Variants in MBNL1 observed in about 807,000 individuals in gnomAD.
The protein encoded by MBNL1 is muscleblind like splicing regulator 1.
In MBNL1, 8 loss-of-function variants were observed where a neutral mutation model predicts 42.2. That is an observed-to-expected ratio of 0.19 (90% CI 0.11 to 0.34). The LOEUF (loss-of-function observed/expected upper bound fraction) is 0.34, where lower values mean the gene tolerates loss of function less well. Among genes scored for constraint, MBNL1 ranks in the 10% least tolerant of loss-of-function variants. The pLI is 1.00. For synonymous variants in MBNL1, 169 were observed against 173.9 expected (o/e 0.97, Z 0.22); for missense variants, 309 against 495.3 (o/e 0.62, Z 3.57).
intron 2 of MBNL1, among the ~76,000 whole-genome samples, chr3:152,370,485 G>T (rs2096610778): frequency 6.6e-6 from 1 of 152,166 alleles, no homozygotes; most frequent in African/African-American, 2.4e-5. Flanking sequence ...TTGATTTGGG[G>T]TGGAGAGTTC....
chr3:152,363,033 G>C (rs889294402), intron 2 of MBNL1, among the ~76,000 whole-genome samples: 4 of 151,794 alleles, frequency 2.6e-5, no homozygotes, highest in Admixed American at 2.6e-4. Flanking sequence ...CACAGAAATG[G>C]GTATCAAATA....
At chr3:152,327,851 T>C (rs2081408414) in intron 2 of MBNL1, among the ~76,000 whole-genome samples, 1 of 152,014 alleles carries the variant, frequency 6.6e-6, no homozygotes, top group Non-Finnish European at 1.5e-5. Flanking sequence ...TTCTTGGTCT[T>C]AGTGTCTAAA....
At chr3:152,372,839 C>T (rs1042138888) in intron 2 of MBNL1, among the ~76,000 whole-genome samples, 3 of 152,146 alleles carry the variant, frequency 2.0e-5, no homozygotes, top group East Asian at 1.9e-4. Flanking sequence ...CTGGGAGATT[C>T]GCTGCTCTCT....
At chr3:152,414,863 GGT>G in intron 2 of MBNL1, 76 bp from the exon 3 acceptor site, 1 of 1,399,920 alleles carries the variant, frequency 7.1e-7, no homozygotes, top group South Asian at 1.2e-5. Context: ...TCAAGTGGGT[GGT>G]TTGCATTATA....
chr3:152,414,949 C>T lies in MBNL1; in HGVS notation c.183C>T (p.Cys61=). 6.2e-7 allele frequency: 1 copy of T among 1,610,444 alleles called. No homozygotes were observed. The highest frequency in any genetic ancestry group is 8.5e-7 in the Non-Finnish European group (1 of 1,178,888). The change falls in exon 3 of 10, where the codon TGC becomes TGT. Residue 61 remains cysteine (C), a synonymous_variant. Transcript: ENST00000324210. ...TGCTTTTGTTTCTCTAGGGCCGTTGCTCCAGGGAGAACTGCAAATATCTTC... is the reference window on the plus strand; with the variant it reads ...TGCTTTTGTTTCTCTAGGGCCGTTGTTCCAGGGAGAACTGCAAATATCTTC... ...IACFDSLKGR[C]SRENCKYLHP... is the part of the protein sequence containing the mutation.
At chr3:152,390,152 TAA>T (rs914352354) in intron 2 of MBNL1, among the ~76,000 whole-genome samples, 2 of 142,554 alleles carry the variant, frequency 1.4e-5, no homozygotes, top group Non-Finnish European at 3.1e-5. Context: ...AATTTATAAT[TAA>T]AAAAAAAAAA....
At chr3:152,379,793 T>G (rs2153389875) in intron 2 of MBNL1, among the ~76,000 whole-genome samples, 1 of 152,244 alleles carries the variant, frequency 6.6e-6, no homozygotes, top group Non-Finnish European at 1.5e-5. Context: ...AGTTAAAGAT[T>G]CAGATGAACA....
chr3:152,340,897 A>C, intron 2 of MBNL1: 1 of 1,609,586 alleles, frequency 6.2e-7, no homozygotes, highest in Non-Finnish European at 8.5e-7. Context: ...GCCAGGGTCC[A>C]TCTGCATTGT....
At chr3:152,392,480 T>C (rs2097763443) in intron 2 of MBNL1, among the ~76,000 whole-genome samples, 1 of 152,238 alleles carries the variant, frequency 6.6e-6, no homozygotes. Context: ...AAAATCAGCA[T>C]ACTTATTCTA....
chr3:152,456,367 C>A lies in MBNL1; in HGVS notation c.1092+6C>A, dbSNP rs757605536. On this transcript the variant is annotated splice_donor_region_variant and intron_variant, in intron 8 of 9. Coordinates refer to ENST00000324210, the MANE Select transcript of MBNL1 (RefSeq NM_021038.5). ...CAACAGCCACAGCCAACCAGGTTTG[C>A]TAATTTACAGCTTTGTTTCTTAAAA... is the stretch of plus-strand genomic sequence containing the variant. The A allele has an allele frequency of 6.2e-7, 1 of 1,612,356 alleles. No individual in the cohort carries two copies. The highest frequency in any genetic ancestry group is 8.5e-7 in the Non-Finnish European group (1 of 1,178,426).
intron 6 of MBNL1, among the ~76,000 whole-genome samples, chr3:152,448,157 G>A: frequency 6.6e-6 from 1 of 152,034 alleles, no homozygotes; most frequent in East Asian, 1.9e-4. Context: ...ATATAAAACA[G>A]CACTTTCAGT....
chr3:152,414,219 A>AT (rs1304877032), intron 2 of MBNL1, among the ~76,000 whole-genome samples: 2 of 152,168 alleles, frequency 1.3e-5, no homozygotes, highest in Non-Finnish European at 2.9e-5. Context: ...TAGTTTCTCC[A>AT]TTTTTTAAAT....
In MBNL1 at chr3:152,300,060, G is replaced by T; in HGVS notation, c.-134G>T. On this transcript the variant is annotated 5_prime_UTR_variant, in exon 2 of 10. In the 5' UTR this introduces an upstream ATG that the reference lacks. Coordinates refer to ENST00000324210, the MANE Select transcript of MBNL1 (RefSeq NM_021038.5). ...CAATTTTCCATGTACTTTTAAAGCA[G>T]GGAGTGGGGAAAAGTATTTTGAGGG... 1.8e-6 allele frequency: 1 copy of T among 545,054 alleles called. No homozygotes were observed. 33.8% of individuals were successfully genotyped at this position (545,054 alleles called of 1,614,324 possible). A position where few individuals can be genotyped will look rare whatever the true frequency, so the allele number is the denominator to read the frequency against.
chr3:152,398,808 C>T (rs1190704262), intron 2 of MBNL1, among the ~76,000 whole-genome samples: 3 of 152,130 alleles, frequency 2.0e-5, no homozygotes, highest in Non-Finnish European at 4.4e-5. Flanking sequence ...CTTCCCCAAG[C>T]TAGACTTTTC....
At chr3:152,269,390 G>A (rs1454502577) in intron 1 of MBNL1, 37 of 365,966 alleles carry the variant, frequency 1.0e-4, no homozygotes, top group Non-Finnish European at 1.9e-4. Flanking sequence ...AGAAACAGGG[G>A]GGCGAGAAGA....
intron 2 of MBNL1, among the ~76,000 whole-genome samples, chr3:152,390,265 T>A (rs2097652236): frequency 6.6e-6 from 1 of 152,006 alleles, no homozygotes; most frequent in Non-Finnish European, 1.5e-5. Context: ...CTCTATTTTT[T>A]TTTTTATTTT....
chr3:152,407,957 C>T (rs1158618458), intron 2 of MBNL1, among the ~76,000 whole-genome samples: 1 of 152,028 alleles, frequency 6.6e-6, no homozygotes, highest in Non-Finnish European at 1.5e-5. Context: ...AGGGGAACAA[C>T]ATACACTGGA....
chr3:152,428,549 A>T (rs1017013444), intron 3 of MBNL1, among the ~76,000 whole-genome samples: 1 of 152,226 alleles, frequency 6.6e-6, no homozygotes, highest in Admixed American at 6.5e-5. Context: ...GTAGCATTCA[A>T]TGTGGAGGAT....
chr3:152,253,328 A>C (rs551228921), intron 2 of MBNL1, among the ~76,000 whole-genome samples: 2 of 152,218 alleles, frequency 1.3e-5, no homozygotes, highest in Admixed American at 1.3e-4. Flanking sequence ...ATCTATCAGC[A>C]TGCCTGTCTC....
Sources: gnomAD v4.1 joint callset for allele counts (sites outside exome capture counted in the v4.1 genomes callset) on GRCh38, gnomAD v4.1.1 for gene constraint, MANE v1.5 for transcripts, NCBI Gene and HGNC (gene_info 2026-07-23, HGNC 2026-07-21) for gene names.